CDH13: variants seen among roughly 807,000 people sequenced by gnomAD.
CDH13 encodes the protein cadherin 13.
Under a neutral mutation model 63.8 loss-of-function variants are expected in CDH13, and 24 were observed. That is an observed-to-expected ratio of 0.38 (90% CI 0.27 to 0.53). CDH13 has a LOEUF of 0.53. Among genes scored for constraint, CDH13 ranks in the 20% least tolerant of loss-of-function variants. The pLI, the probability that CDH13 is intolerant of heterozygous loss-of-function variation, is 0.85. For synonymous variants in CDH13, 503 were observed against 355.3 expected, an observed-to-expected ratio of 1.42 and a Z score of -4.67; for missense variants, 1,049 against 903.1, an observed-to-expected ratio of 1.16 and a Z score of -2.07.
At chr16:83,332,985 A>G (rs77586560) in intron 5 of CDH13, among the ~76,000 whole-genome samples, 7 of 152,332 alleles carry the variant, frequency 4.6e-5, no homozygotes, top group Non-Finnish European at 1.0e-4. Context: ...AGGATTTTCA[A>G]AGAACATTTG....
At chr16:83,573,874 C>T (rs1373711716) in intron 7 of CDH13, among the ~76,000 whole-genome samples, 1 of 152,166 alleles carries the variant, frequency 6.6e-6, no homozygotes, top group Non-Finnish European at 1.5e-5. Context: ...TAATTGGTAG[C>T]TGTCCCATTA....
intron 5 of CDH13, among the ~76,000 whole-genome samples, chr16:83,248,014 G>A (rs1453372215): frequency 2.0e-5 from 3 of 152,196 alleles, no homozygotes; most frequent in African/African-American, 7.2e-5. Flanking sequence ...GTAGAAAGGC[G>A]AGAGTGAGAA....
rs185079456 is a variant in CDH13, at chr16:83,222,644, C to T, written c.636+5147C>T. On this transcript the variant is annotated intron_variant, in intron 5 of 13. Transcript: ENST00000567109. ...ACTAGTAGGGACATGCTATGTAAGT[C>T]TTCTTTGTCCTCTACTCTGGTCTCC... Among the ~76,000 whole-genome samples the T allele has an allele frequency of 1.4e-3, 213 of 152,176 alleles. 1 individual carries two copies. The highest frequency in any genetic ancestry group is 0.012 in the Admixed American group (188 of 15,290).
At chr16:82,795,353 A>T (rs2036530678) in intron 1 of CDH13, among the ~76,000 whole-genome samples, 1 of 152,180 alleles carries the variant, frequency 6.6e-6, no homozygotes, top group African/African-American at 2.4e-5. Context: ...CATCTTAGCA[A>T]CCTAAACAAA....
intron 2 of CDH13, among the ~76,000 whole-genome samples, chr16:83,006,842 T>C (rs1291304651): frequency 6.6e-6 from 1 of 152,234 alleles, no homozygotes; most frequent in African/African-American, 2.4e-5. Context: ...TAAGGAACAA[T>C]GTAATTTGCC....
intron 1 of CDH13, among the ~76,000 whole-genome samples, chr16:82,698,140 C>T (rs1015323124): frequency 1.3e-5 from 2 of 152,138 alleles, no homozygotes; most frequent in Non-Finnish European, 1.5e-5. Flanking sequence ...CCTAGGAATA[C>T]CATGTTCAAA....
chr16:83,381,792 A>G (rs927950967), intron 6 of CDH13, among the ~76,000 whole-genome samples: 1 of 152,048 alleles, frequency 6.6e-6, no homozygotes, highest in South Asian at 2.1e-4. Context: ...TTTCAACTGA[A>G]TGCAGCCATT....
intron 4 of CDH13, among the ~76,000 whole-genome samples, chr16:83,131,979 C>T (rs2036074972): frequency 6.6e-6 from 1 of 152,206 alleles, no homozygotes. Flanking sequence ...TTTACATCAG[C>T]TTTGCCATGT....
chr16:83,254,723 T>C (rs751742356), intron 5 of CDH13, among the ~76,000 whole-genome samples: 2 of 152,204 alleles, frequency 1.3e-5, no homozygotes, highest in Non-Finnish European at 2.9e-5. Flanking sequence ...TCAATAATTC[T>C]CCAGGATTTT....
intron 2 of CDH13, among the ~76,000 whole-genome samples, chr16:82,999,513 A>G (rs1216719475): frequency 6.6e-6 from 1 of 151,040 alleles, no homozygotes; most frequent in African/African-American, 2.5e-5. Flanking sequence ...TACGTGTTCA[A>G]GGCAACCATA....
chr16:82,880,146 G>A (rs1391800018), intron 2 of CDH13, among the ~76,000 whole-genome samples: 2 of 151,706 alleles, frequency 1.3e-5, no homozygotes, highest in Admixed American at 6.6e-5. Flanking sequence ...CATACCTACT[G>A]ATCAGTGTAT....
rs2085949 is a variant in CDH13, at chr16:82,731,527, C to T, written c.45+104390C>T. Among the ~76,000 whole-genome samples, 477 of 152,266 alleles carry T rather than the reference C, an allele frequency of 3.1e-3. 2 individuals carry two copies. The highest frequency in any genetic ancestry group is 0.011 in the African/African-American group (461 of 41,524). ...ATCTGAAAAGTATTTTGGGATTCAGCAAAGAAGCTGCTCAAGACATTGACA... is the reference window on the plus strand; with the variant it reads ...ATCTGAAAAGTATTTTGGGATTCAGTAAAGAAGCTGCTCAAGACATTGACA... On this transcript the variant is annotated intron_variant, in intron 1 of 13. Transcript: ENST00000567109.
chr16:83,610,172 G>C (rs1908727146), intron 8 of CDH13, among the ~76,000 whole-genome samples: 1 of 151,876 alleles, frequency 6.6e-6, no homozygotes, highest in Admixed American at 6.6e-5. Flanking sequence ...ACGCTGCTGT[G>C]AACATTCATG....
chr16:83,554,919 C>CTTT (rs200979734), intron 7 of CDH13, among the ~76,000 whole-genome samples: 6 of 133,792 alleles, frequency 4.5e-5, no homozygotes, highest in South Asian at 2.5e-4. Flanking sequence ...ACTGCTGAAT[C>CTTT]TTTTTTTTTT....
chr16:83,266,475 C>T (rs1161390094), intron 5 of CDH13, among the ~76,000 whole-genome samples: 2 of 152,190 alleles, frequency 1.3e-5, no homozygotes, highest in Non-Finnish European at 2.9e-5. Flanking sequence ...TTAATTATAA[C>T]ATCTGTGTCC....
chr16:83,054,185 A>G (rs2030684211), intron 3 of CDH13, among the ~76,000 whole-genome samples: 1 of 152,214 alleles, frequency 6.6e-6, no homozygotes. Context: ...CAATGCCAGA[A>G]TCAACTAACA....
At chr16:83,794,145 GC>G (rs1472039529) in intron 13 of CDH13, among the ~76,000 whole-genome samples, 1 of 152,148 alleles carries the variant, frequency 6.6e-6, no homozygotes, top group African/African-American at 2.4e-5. Context: ...ACTGATTTGA[GC>G]CCCATAAGAC....
At chr16:83,698,373 A>G (rs969318283) in intron 10 of CDH13, among the ~76,000 whole-genome samples, 12 of 152,228 alleles carry the variant, frequency 7.9e-5, no homozygotes, top group South Asian at 4.1e-4. Context: ...AAAAGATACA[A>G]GAAACTGCTT....
chr16:83,663,357 CA>C (rs1913619455), intron 8 of CDH13, among the ~76,000 whole-genome samples: 2 of 152,176 alleles, frequency 1.3e-5, no homozygotes, highest in South Asian at 4.1e-4. Flanking sequence ...CTAAGATTTT[CA>C]GGAAAGAAAT....
Sources: allele counts gnomAD v4.1 joint callset (sites outside exome capture counted in the v4.1 genomes callset), GRCh38; gene constraint gnomAD v4.1.1; transcripts MANE v1.5; gene names NCBI Gene and HGNC (gene_info 2026-07-23, HGNC 2026-07-21).